Variants in KSR2 observed in about 807,000 individuals in gnomAD.
The protein encoded by KSR2 is kinase suppressor of ras 2.
In KSR2, 25 loss-of-function variants were observed where a neutral mutation model predicts 107.8. The observed-to-expected ratio is 0.23, with a 90% CI of 0.17 to 0.32. The LOEUF is 0.32. Ranked by LOEUF, KSR2 falls within the 10% of genes least tolerant of loss-of-function variation. KSR2 has a pLI of 1.00. For synonymous variants in KSR2, 480 were observed against 507.0 expected (o/e 0.95, Z 0.71); for missense variants, 887 against 1,268.9 (o/e 0.70, Z 4.57).
rs1174862870 is a variant in KSR2 at position 117,465,152 on chromosome 12, T to G, written c.*2047A>C. On this transcript the variant is annotated 3_prime_UTR_variant, in exon 20 of 20. Coordinates refer to ENST00000339824, the MANE Select transcript of KSR2 (RefSeq NM_173598.6). ...GTTGGGTTTCAGGCACTCAGTAGGC[T>G]GCTGGGCAGAGCCAAGACAGGTGCA... 6.6e-6 allele frequency: 1 copy of G among 152,356 alleles called. No homozygotes were observed. Among genetic ancestry groups the G allele is most frequent in the Non-Finnish European group, 1.5e-5 (1 of 68,192 alleles). 9.4% of individuals were successfully genotyped at this position (152,356 alleles called of 1,614,324 possible).
At chr12:117,877,960 C>T (rs924680633) in intron 1 of KSR2, among the ~76,000 whole-genome samples, 1 of 152,162 alleles carries the variant, frequency 6.6e-6, no homozygotes. Context: ...CCGCCCGGCC[C>T]TATGAGAGAT....
intron 4 of KSR2, among the ~76,000 whole-genome samples, chr12:117,728,345 C>T (rs948306497): frequency 2.6e-5 from 4 of 152,228 alleles, no homozygotes; most frequent in African/African-American, 9.6e-5. Context: ...GACCAACACA[C>T]TGACAACTTC....
chr12:117,764,196 C>G (rs1454584598), intron 3 of KSR2, among the ~76,000 whole-genome samples: 3 of 151,374 alleles, frequency 2.0e-5, no homozygotes, highest in African/African-American at 4.9e-5. Flanking sequence ...TAGCCATCAT[C>G]CCTATCAATA....
Position 117,785,284 on chromosome 12 carries a change from G to A in KSR2, c.473-23760C>T, listed in dbSNP as rs536801204. On this transcript the variant is annotated intron_variant, in intron 3 of 19. Coordinates refer to ENST00000339824, the MANE Select transcript of KSR2 (RefSeq NM_173598.6). ...ACAAAAATTAGCTGGGCATGGTGGCGGGTGCCTGTAGTCCCAGCTACTTGG... is the reference window on the plus strand; with the variant it reads ...ACAAAAATTAGCTGGGCATGGTGGCAGGTGCCTGTAGTCCCAGCTACTTGG... Among the ~76,000 whole-genome samples the A allele has an allele frequency of 1.5e-3, 228 of 151,886 alleles. 1 individual carries two copies. The highest frequency in any genetic ancestry group is 4.4e-3 in the African/African-American group (182 of 41,442).
chr12:117,723,411 C>T (rs1887290343), intron 4 of KSR2, among the ~76,000 whole-genome samples: 1 of 152,148 alleles, frequency 6.6e-6, no homozygotes, highest in Non-Finnish European at 1.5e-5. Context: ...TTAAGCCTCA[C>T]AACAACCGTA....
intron 4 of KSR2, among the ~76,000 whole-genome samples, chr12:117,734,137 TGGG>T (rs1225971895): frequency 6.6e-6 from 1 of 151,944 alleles, no homozygotes; most frequent in Non-Finnish European, 1.5e-5. Flanking sequence ...AAAAATTAGT[TGGG>T]CATGGTGGCG....
chr12:117,603,246 G>A (rs1881054173), intron 5 of KSR2, among the ~76,000 whole-genome samples: 1 of 152,094 alleles, frequency 6.6e-6, no homozygotes, highest in South Asian at 2.1e-4. Flanking sequence ...AAGCATTGCA[G>A]CACAACAAAA....
chr12:117,686,981 G>A (rs894160286), intron 4 of KSR2, among the ~76,000 whole-genome samples: 2 of 152,172 alleles, frequency 1.3e-5, no homozygotes, highest in African/African-American at 4.8e-5. Context: ...CGGGCTGGCT[G>A]GCTGGGTGCC....
intron 3 of KSR2, among the ~76,000 whole-genome samples, chr12:117,763,355 G>A (rs1325993014): frequency 6.6e-6 from 1 of 151,914 alleles, no homozygotes; most frequent in Non-Finnish European, 1.5e-5. Flanking sequence ...AAATCTAATG[G>A]TGTATTAACA....
intron 3 of KSR2, among the ~76,000 whole-genome samples, chr12:117,847,710 T>A (rs1892753419): frequency 6.6e-6 from 1 of 152,218 alleles, no homozygotes. Flanking sequence ...TGCCCACCTG[T>A]CTGGCTCCAG....
chr12:117,662,657 G>A (rs767575434), intron 5 of KSR2, among the ~76,000 whole-genome samples: 6 of 152,184 alleles, frequency 3.9e-5, no homozygotes, highest in African/African-American at 1.4e-4. Context: ...ACTCCAGCTG[G>A]TGTCATTACG....
intron 14 of KSR2, among the ~76,000 whole-genome samples, chr12:117,521,986 C>A (rs961836330): frequency 2.0e-5 from 3 of 152,210 alleles, no homozygotes; most frequent in African/African-American, 7.2e-5. Flanking sequence ...ATCAATGCCA[C>A]TTCTTTGGGG....
chr12:117,723,442 C>A (rs1016115339), intron 4 of KSR2, among the ~76,000 whole-genome samples: 1 of 152,036 alleles, frequency 6.6e-6, no homozygotes, highest in Non-Finnish European at 1.5e-5. Context: ...ATTATCAACT[C>A]CATTTTACAG....
intron 14 of KSR2, among the ~76,000 whole-genome samples, chr12:117,488,432 T>C (rs1872585021): frequency 6.6e-6 from 1 of 152,110 alleles, no homozygotes; most frequent in Non-Finnish European, 1.5e-5. Context: ...TGTCCCCAAT[T>C]CCGTATGTTG....
chr12:117,693,983 G>T (rs1326739826), intron 4 of KSR2, among the ~76,000 whole-genome samples: 2 of 152,112 alleles, frequency 1.3e-5, no homozygotes, highest in Admixed American at 1.3e-4. Context: ...TGATTGAAGG[G>T]TCATCACTTG....
chr12:117,825,948 C>G (rs1326771362), intron 3 of KSR2, among the ~76,000 whole-genome samples: 1 of 28,742 alleles, frequency 3.5e-5, no homozygotes, highest in Non-Finnish European at 6.5e-5. Flanking sequence ...GACGGGTGAA[C>G]AGGTGGGTGG....
At chr12:117,781,856 C>T (rs1441060676) in intron 3 of KSR2, among the ~76,000 whole-genome samples, 1 of 152,148 alleles carries the variant, frequency 6.6e-6, no homozygotes, top group Admixed American at 6.5e-5. Flanking sequence ...GGAGATGCTG[C>T]CGAACCCAGA....
intron 1 of KSR2, among the ~76,000 whole-genome samples, chr12:117,900,448 A>G (rs996648283): frequency 6.6e-6 from 1 of 152,240 alleles, no homozygotes; most frequent in African/African-American, 2.4e-5. Context: ...CATTAGATAG[A>G]TGCCTCAAGG....
chr12:117,874,468 A>G (rs1893763551), intron 1 of KSR2, among the ~76,000 whole-genome samples: 1 of 152,118 alleles, frequency 6.6e-6, no homozygotes, highest in Admixed American at 6.5e-5. Flanking sequence ...CCTGACCTCA[A>G]GCAATCCTCC....
Sources: allele counts gnomAD v4.1 joint callset (sites outside exome capture counted in the v4.1 genomes callset), GRCh38; gene constraint gnomAD v4.1.1; transcripts MANE v1.5; gene names NCBI Gene and HGNC (gene_info 2026-07-23, HGNC 2026-07-21).